The following LEUTX variants were observed in gnomAD, a reference collection of about 807,000 sequenced individuals.
LEUTX encodes the protein paired-like homeodomain transcription factor LEUTX.
LEUTX carries 5 observed loss-of-function variants against 4.5 expected under a neutral mutation model. The ratio of observed to expected loss-of-function variants is 1.11; its 90% confidence interval spans 0.58 to 2.34. The LOEUF (loss-of-function observed/expected upper bound fraction) is 2.34. LEUTX is among the 30% of genes most tolerant of loss of function. The pLI is 0.01. For synonymous variants in LEUTX, 89 were observed against 85.1 expected, an observed-to-expected ratio of 1.05 and a Z score of -0.25; for missense variants, 233 against 239.4, an observed-to-expected ratio of 0.97 and a Z score of 0.18.
At chr19:39,781,827 G>A (rs1238698415) in intron 1 of LEUTX, among the ~76,000 whole-genome samples, 1 of 152,084 alleles carries the variant, frequency 6.6e-6, no homozygotes, top group Non-Finnish European at 1.5e-5. Context: ...ATGCAAAATG[G>A]ACTAACACAT....
chr19:39,776,643 C>T (rs1009908921), upstream of LEUTX: 15 of 456,050 alleles, frequency 3.3e-5, no homozygotes, highest in Non-Finnish European at 6.2e-5. Context: ...GCCTGTCAGG[C>T]GGGCACCTGG....
At chr19:39,783,414 T>A (rs1246865869) in intron 1 of LEUTX, among the ~76,000 whole-genome samples, 1 of 149,704 alleles carries the variant, frequency 6.7e-6, no homozygotes, top group East Asian at 1.9e-4. Flanking sequence ...TGATGGACAT[T>A]TGGGTTGGTT....
intron 1 of LEUTX, among the ~76,000 whole-genome samples, chr19:39,781,427 T>C (rs926253793): frequency 5.3e-5 from 8 of 152,226 alleles, no homozygotes; most frequent in African/African-American, 1.9e-4. Context: ...TATGCACTAA[T>C]ACAGTTTGCA....
Position 39,786,084 on chromosome 19 carries a change from A to T in LEUTX, c.546A>T (p.Gln182His), listed in dbSNP as rs540263352. Residue 182 changes from glutamine to histidine, a missense_variant, in exon 3 of 3, where the codon CAA becomes CAT. Physicochemically the swap from Gln to His is conservative, Grantham distance 24. Coordinates refer to ENST00000638280, the MANE Select transcript of LEUTX (RefSeq NM_001382345.1). ...PGEDDTSSLN[Q>H]YLFPVCLEYD... ...AAGATGACACCAGCAGCCTAAATCA[A>T]TATCTTTTTCCAGTATGCCTTGAGT... 5 of 1,549,224 alleles carry T rather than the reference A, an allele frequency of 3.2e-6. No individual in the cohort carries two copies. In the African/African-American group the frequency reaches 5.5e-5, roughly 17 times the overall value.
rs1967967519 is a variant in LEUTX, at chr19:39,786,015, CT to C, written c.480del (p.Phe160LeufsTer3). ...CAAATCCTCCTTGGGCCTCCACTCT[CT>C]TTGAAATAGATGAATTTGTAAAGAT... Reference protein sequence around the residue: ...ASNPPWASTLFEIDEFVKIYD... With the variant: ...ASNPPWASTLXEIDEFVKIYD... On this transcript the variant is annotated frameshift_variant, in exon 3 of 3. Coordinates refer to ENST00000638280, the MANE Select transcript of LEUTX (RefSeq NM_001382345.1). LOFTEE classifies it low-confidence loss of function (END_TRUNC). 1.3e-6 allele frequency: 2 copies of C among 1,551,622 alleles called. No homozygotes were observed. Among genetic ancestry groups the C allele is most frequent in the East Asian group, 4.9e-5 (2 of 40,938 alleles).
chr19:39,784,997 A>G (rs1368137225), intron 2 of LEUTX, among the ~76,000 whole-genome samples: 2 of 152,168 alleles, frequency 1.3e-5, no homozygotes, highest in Admixed American at 6.5e-5. Context: ...GTTCTTGTGT[A>G]TTCAGGATGG....
intron 1 of LEUTX, among the ~76,000 whole-genome samples, chr19:39,781,397 A>G (rs1967885068): frequency 6.6e-6 from 1 of 152,170 alleles, no homozygotes; most frequent in South Asian, 2.1e-4. Flanking sequence ...TATATTCTAA[A>G]CCATAGTAAA....
In LEUTX at chr19:39,786,211, G is replaced by A. The variant is rs779949872; in HGVS notation, c.*76G>A. 1 of 1,171,250 alleles carries A rather than the reference G, an allele frequency of 8.5e-7. No individual in the cohort carries two copies. The highest frequency in any genetic ancestry group is 1.2e-6 in the Non-Finnish European group (1 of 848,690). 72.6% of individuals were successfully genotyped at this position (1,171,250 alleles called of 1,614,324 possible). ...TATTTCCACACATCTTTAATGGTTT[G>A]ACCCCAGTCTAAGTAGATCAGGGGC... On this transcript the variant is annotated 3_prime_UTR_variant, in exon 3 of 3. Transcript: ENST00000638280.
intron 1 of LEUTX, among the ~76,000 whole-genome samples, chr19:39,779,592 AT>A (rs1967854503): frequency 6.6e-6 from 1 of 152,130 alleles, no homozygotes; most frequent in South Asian, 2.1e-4. Context: ...TTGCAAATAT[AT>A]TCTCCCAGCC....
At chr19:39,780,714 G>T (rs1967872808) in intron 1 of LEUTX, among the ~76,000 whole-genome samples, 1 of 151,664 alleles carries the variant, frequency 6.6e-6, no homozygotes, top group South Asian at 2.1e-4. Context: ...ATTGCCTAAG[G>T]GTTTCTTTTT....
intron 1 of LEUTX, among the ~76,000 whole-genome samples, chr19:39,779,301 T>C (rs1967849807): frequency 6.6e-6 from 1 of 152,136 alleles, no homozygotes; most frequent in Non-Finnish European, 1.5e-5. Flanking sequence ...TTGCCTAAGG[T>C]CGTCTTGAAC....
intron 1 of LEUTX, among the ~76,000 whole-genome samples, chr19:39,782,977 C>A (rs34133973): frequency 6.6e-6 from 1 of 151,866 alleles, no homozygotes; most frequent in Non-Finnish European, 1.5e-5. Flanking sequence ...GGTGCACCCA[C>A]CAACCGAGCA....
At chr19:39,781,279 G>T (rs59402301) in intron 1 of LEUTX, among the ~76,000 whole-genome samples, 5,785 of 152,164 alleles carry the variant, frequency 0.038, 333 homozygotes, top group African/African-American at 0.13. Context: ...GTTGGCTTCT[G>T]TTTTTCCATG....
intron 1 of LEUTX, among the ~76,000 whole-genome samples, chr19:39,779,950 G>A (rs543875394): frequency 1.3e-5 from 2 of 152,174 alleles, no homozygotes; most frequent in Admixed American, 6.5e-5. Flanking sequence ...GGAGGCAGAG[G>A]TTGCAGCAAT....
intron 2 of LEUTX, 113 bp downstream of exon 2, chr19:39,784,791 G>A: frequency 2.8e-6 from 2 of 717,134 alleles, no homozygotes; most frequent in Non-Finnish European, 2.3e-6. Flanking sequence ...TGTAAGGACA[G>A]ATGTTAAGCA....
intron 1 of LEUTX, among the ~76,000 whole-genome samples, chr19:39,782,329 G>A (rs989839878): frequency 6.6e-6 from 1 of 152,066 alleles, no homozygotes; most frequent in Non-Finnish European, 1.5e-5. Context: ...TCCCCCATAC[G>A]GTGCTCATGG....
chr19:39,786,110 A>T lies in LEUTX; in HGVS notation c.572A>T (p.Tyr191Phe). 1.3e-6 allele frequency: 2 copies of T among 1,539,908 alleles called. No individual in the cohort carries two copies. Among genetic ancestry groups the T allele is most frequent in the Non-Finnish European group, 1.8e-6 (2 of 1,141,472 alleles). The change falls in exon 3 of 3, where the codon TAT (tyrosine) becomes TTT (phenylalanine). Residue 191 changes from tyrosine to phenylalanine, a missense_variant. Transcript: ENST00000638280. The part of the protein sequence containing the change: ...NQYLFPVCLE[Y>F]DQLQSSV The stretch of plus-strand genomic sequence containing the variant: ...TATCTTTTTCCAGTATGCCTTGAGT[A>T]TGACCAGCTCCAATCTTCAGTGTAA...
At chr19:39,776,758 G>A, upstream of LEUTX, 1 of 441,342 alleles carries the variant, frequency 2.3e-6, no homozygotes, top group South Asian at 1.6e-5. Context: ...GCTCATTCCT[G>A]TAGTCCCAGC....
rs1967963424 is a variant in LEUTX, at chr19:39,785,880, T to G, written c.342T>G (p.Asp114Glu). The G allele has an allele frequency of 6.4e-7, 1 of 1,551,682 alleles. No individual in the cohort carries two copies. The highest frequency in any genetic ancestry group is 1.4e-5 in the African/African-American group (1 of 73,062). ...GAATCTCTGATGCAAATGACCATGA[T>G]CTACGTGAGCCTTCTGGTATCAAGA... ...SPGISDANDH[D>E]LREPSGIKNP... Residue 114 changes from aspartate (D) to glutamate (E), a missense_variant, in exon 3 of 3, where the codon GAT (aspartate) becomes GAG (glutamate). By Grantham distance (45) the Asp-to-Glu change is conservative. Coordinates refer to ENST00000638280, the MANE Select transcript of LEUTX (RefSeq NM_001382345.1).
Sources: allele counts gnomAD v4.1 joint callset (sites outside exome capture counted in the v4.1 genomes callset), GRCh38; gene constraint gnomAD v4.1.1; transcripts MANE v1.5; gene names NCBI Gene and HGNC (gene_info 2026-07-23, HGNC 2026-07-21).